ZNF148: variants seen among roughly 807,000 people sequenced by gnomAD.
The protein encoded by ZNF148 is zinc finger protein 148, also known as Beta-Enolase Repressor Factor-1.
Under a neutral mutation model 67.7 loss-of-function variants are expected in ZNF148, and 7 were observed. The observed-to-expected ratio is 0.10, with a 90% confidence interval of 0.06 to 0.19. ZNF148 has a LOEUF of 0.19. Among genes scored for constraint, ZNF148 ranks in the 10% least tolerant of loss-of-function variants. The probability of loss-of-function intolerance (pLI) is 1.00; values close to 1 mark genes in which losing one functional copy is unlikely to be tolerated. For synonymous variants in ZNF148, 333 were observed against 330.7 expected (o/e 1.01, Z -0.08); for missense variants, 583 against 947.1 (o/e 0.62, Z 5.05).
chr3:125,243,382 T>C (rs1936454107), intron 7 of ZNF148, among the ~76,000 whole-genome samples: 1 of 152,212 alleles, frequency 6.6e-6, no homozygotes. Flanking sequence ...ACCTCTTGGG[T>C]TTTCCAAGTT....
At chr3:125,290,326 A>C (rs992792868) in intron 4 of ZNF148, among the ~76,000 whole-genome samples, 2 of 152,010 alleles carry the variant, frequency 1.3e-5, no homozygotes, top group Non-Finnish European at 2.9e-5. Flanking sequence ...GTTCTAAAAT[A>C]TCTCTTAATT....
chr3:125,302,156 C>T (rs1206438249), intron 4 of ZNF148, among the ~76,000 whole-genome samples: 5 of 151,948 alleles, frequency 3.3e-5, no homozygotes, highest in Admixed American at 6.5e-5. Context: ...GTGGGAGGAT[C>T]GCTTGAGCCC....
chr3:125,367,008 C>T (rs1204684690), intron 1 of ZNF148, among the ~76,000 whole-genome samples: 2 of 152,108 alleles, frequency 1.3e-5, no homozygotes, highest in East Asian at 1.9e-4. Context: ...GATTATAGTA[C>T]AGGTATTTGT....
At chr3:125,327,783 A>T (rs1034462786) in intron 2 of ZNF148, among the ~76,000 whole-genome samples, 7 of 152,242 alleles carry the variant, frequency 4.6e-5, no homozygotes, top group Non-Finnish European at 7.3e-5. Flanking sequence ...ACAAAATGTA[A>T]AGGGAAATTA....
At chr3:125,261,979 TA>T (rs1438939848) in intron 7 of ZNF148, among the ~76,000 whole-genome samples, 3 of 152,078 alleles carry the variant, frequency 2.0e-5, no homozygotes, top group African/African-American at 7.2e-5. Context: ...CAAACTATGA[TA>T]ATAATAATGC....
intron 1 of ZNF148, among the ~76,000 whole-genome samples, chr3:125,361,768 G>A (rs560645672): frequency 3.5e-4 from 54 of 152,124 alleles, no homozygotes; most frequent in Middle Eastern, 6.8e-3. Context: ...GGGAGGCAGA[G>A]GCTGCAGTGA....
intron 7 of ZNF148, among the ~76,000 whole-genome samples, chr3:125,254,188 C>T (rs1936968103): frequency 6.6e-6 from 1 of 152,080 alleles, no homozygotes; most frequent in Non-Finnish European, 1.5e-5. Flanking sequence ...TAATCTCTCT[C>T]CCCTTTCTTA....
chr3:125,326,883 G>T (rs1310833581), intron 2 of ZNF148, among the ~76,000 whole-genome samples: 1 of 149,250 alleles, frequency 6.7e-6, no homozygotes, highest in African/African-American at 2.4e-5. Context: ...TATAGTGTGT[G>T]TGTGTAGCAG....
At chr3:125,343,823 A>G (rs6787332) in intron 1 of ZNF148, among the ~76,000 whole-genome samples, 117,903 of 151,860 alleles carry the variant, frequency 0.78, 46,388 homozygotes, top group African/African-American at 0.87. Context: ...CACTGAACGC[A>G]AAGGTCCATG....
At chr3:125,344,747 C>G (rs1941873449) in intron 1 of ZNF148, 1 of 533,366 alleles carries the variant, frequency 1.9e-6, no homozygotes, top group Non-Finnish European at 3.5e-6. Context: ...TTTTAATATC[C>G]TTGGGTGAGG....
At chr3:125,286,391 C>A (rs532243159) in intron 5 of ZNF148, among the ~76,000 whole-genome samples, 9 of 152,232 alleles carry the variant, frequency 5.9e-5, no homozygotes, top group African/African-American at 1.4e-4. Context: ...CCATCTTAAG[C>A]AAAGTCAGAC....
At chr3:125,325,586 C>A (rs1294875566) in intron 2 of ZNF148, among the ~76,000 whole-genome samples, 2 of 152,112 alleles carry the variant, frequency 1.3e-5, no homozygotes, top group Non-Finnish European at 2.9e-5. Context: ...CTGCCTCAGC[C>A]TCCCGAGTAG....
rs555250466 is a variant in ZNF148, at chr3:125,231,369, T to G, written c.*972A>C. 3 of 152,638 alleles carry G rather than the reference T, an allele frequency of 2.0e-5. No homozygotes were observed. The highest frequency in any genetic ancestry group is 4.4e-5 in the Non-Finnish European group (3 of 67,964). The allele number at this position is 152,638 out of a possible 1,614,324, so 9.5% of individuals were successfully genotyped here. A position where few individuals can be genotyped will look rare whatever the true frequency, so the allele number is the denominator to read the frequency against. The stretch of plus-strand genomic sequence containing the variant: ...CACAACCATATCAAACCTAAAAATC[T>G]AATTTTTTTTTTACTTTGAGAAATC... On this transcript the variant is annotated 3_prime_UTR_variant, in exon 9 of 9. Coordinates refer to ENST00000360647, the MANE Select transcript of ZNF148 (RefSeq NM_021964.3).
At chr3:125,273,241 A>G (rs1937855219) in intron 7 of ZNF148, among the ~76,000 whole-genome samples, 2 of 152,200 alleles carry the variant, frequency 1.3e-5, no homozygotes, top group African/African-American at 4.8e-5. Flanking sequence ...TTATTCAGCT[A>G]TTTAATACAG....
At chr3:125,296,675 G>C (rs986931801) in intron 4 of ZNF148, among the ~76,000 whole-genome samples, 3 of 151,996 alleles carry the variant, frequency 2.0e-5, no homozygotes, top group Non-Finnish European at 4.4e-5. Flanking sequence ...TGACAAAAAA[G>C]CACATATACA....
chr3:125,337,182 C>T (rs187630511), intron 1 of ZNF148, among the ~76,000 whole-genome samples: 2 of 152,148 alleles, frequency 1.3e-5, no homozygotes, highest in African/African-American at 2.4e-5. Flanking sequence ...TTTCACCTAC[C>T]CTTGACCTTT....
At chr3:125,263,800 G>A (rs1261190889) in intron 7 of ZNF148, among the ~76,000 whole-genome samples, 1 of 78,802 alleles carries the variant, frequency 1.3e-5, no homozygotes, top group Non-Finnish European at 2.5e-5. Flanking sequence ...AGCCTCTTTC[G>A]TTCTAATGAG....
intron 1 of ZNF148, among the ~76,000 whole-genome samples, chr3:125,355,139 G>A (rs971368800): frequency 1.3e-5 from 2 of 152,090 alleles, no homozygotes; most frequent in African/African-American, 4.8e-5. Context: ...GTGTTCTAAT[G>A]TTCTAATATA....
chr3:125,286,658 T>C (rs1035050287), intron 5 of ZNF148, among the ~76,000 whole-genome samples: 10 of 152,166 alleles, frequency 6.6e-5, no homozygotes, highest in Non-Finnish European at 1.0e-4. Context: ...TAACATGATC[T>C]ATTAAGAAAT....
Sources: allele counts gnomAD v4.1 joint callset (sites outside exome capture counted in the v4.1 genomes callset), GRCh38; gene constraint gnomAD v4.1.1; transcripts MANE v1.5; gene names NCBI Gene and HGNC (gene_info 2026-07-23, HGNC 2026-07-21).